The following ZNF804A variants were observed in gnomAD, a reference collection of about 807,000 sequenced individuals.
ZNF804A encodes the protein zinc finger protein 804A.
A neutral mutation model predicts 16.5 loss-of-function variants in ZNF804A; 2 were observed. That is an observed-to-expected ratio of 0.12 (90% confidence interval 0.05 to 0.38). The LOEUF (loss-of-function observed/expected upper bound fraction) is 0.38, where lower values mean the gene tolerates loss of function less well. ZNF804A is among the 10% of genes least tolerant of loss of function. The probability of loss-of-function intolerance (pLI) is 0.99; values close to 1 mark genes in which losing one functional copy is unlikely to be tolerated. For missense variants in ZNF804A, 1,473 were observed against 1,390.7 expected (o/e 1.06, Z -0.94); for synonymous variants, 534 against 489.6 (o/e 1.09, Z -1.20).
At chr2:184,715,307 A>T (rs1038543015) in intron 1 of ZNF804A, among the ~76,000 whole-genome samples, 1 of 152,162 alleles carries the variant, frequency 6.6e-6, no homozygotes, top group Non-Finnish European at 1.5e-5. Flanking sequence ...TAAAGTGTTC[A>T]CTTCTGAAAA....
intron 1 of ZNF804A, among the ~76,000 whole-genome samples, chr2:184,689,139 G>A (rs1404797946): frequency 1.3e-5 from 2 of 152,062 alleles, no homozygotes; most frequent in Non-Finnish European, 1.5e-5. Flanking sequence ...GCTTTGAATC[G>A]ATGGGTTAGT....
chr2:184,867,573 G>A (rs371714859), intron 2 of ZNF804A, among the ~76,000 whole-genome samples: 21 of 152,012 alleles, frequency 1.4e-4, no homozygotes, highest in Non-Finnish European at 2.8e-4. Context: ...ATACTTCACC[G>A]ATTAATGCAT....
At chr2:184,695,465 TAAAA>T (rs779929990) in intron 1 of ZNF804A, among the ~76,000 whole-genome samples, 15 of 51,854 alleles carry the variant, frequency 2.9e-4, no homozygotes, top group Admixed American at 5.4e-4. Flanking sequence ...ACTCCGTCAT[TAAAA>T]AAAAAAAAAA....
intron 1 of ZNF804A, among the ~76,000 whole-genome samples, chr2:184,667,147 GC>G: frequency 6.6e-6 from 1 of 151,922 alleles, no homozygotes; most frequent in East Asian, 1.9e-4. Flanking sequence ...GAATTTTAGT[GC>G]TTTATACTAT....
At chr2:184,915,101 A>G (rs1204006835) in intron 2 of ZNF804A, among the ~76,000 whole-genome samples, 1 of 151,972 alleles carries the variant, frequency 6.6e-6, no homozygotes, top group Non-Finnish European at 1.5e-5. Context: ...TCTGTGTAAA[A>G]CATGCTAGTC....
At chr2:184,738,835 G>A (rs550190314) in intron 1 of ZNF804A, among the ~76,000 whole-genome samples, 187 of 152,306 alleles carry the variant, frequency 1.2e-3, no homozygotes, top group Non-Finnish European at 2.3e-3. Context: ...AGAGGAAGTT[G>A]AGCTTATTCT....
chr2:184,716,767 G>T (rs149947874), intron 1 of ZNF804A, among the ~76,000 whole-genome samples: 48 of 152,244 alleles, frequency 3.2e-4, no homozygotes, highest in African/African-American at 1.1e-3. Context: ...AAGTGTTTTA[G>T]TTGGTTTGTG....
chr2:184,764,341 A>C (rs2105765026), intron 1 of ZNF804A, among the ~76,000 whole-genome samples: 1 of 152,294 alleles, frequency 6.6e-6, no homozygotes, highest in African/African-American at 2.4e-5. Context: ...TAAATTTGGC[A>C]TTTTAAGTTA....
At chr2:184,807,820 T>G (rs1315243461) in intron 1 of ZNF804A, among the ~76,000 whole-genome samples, 1 of 151,684 alleles carries the variant, frequency 6.6e-6, no homozygotes, top group Non-Finnish European at 1.5e-5. Flanking sequence ...AAGGCATTCA[T>G]TTTTCTAGCT....
chr2:184,746,977 T>G (rs1322496894), intron 1 of ZNF804A, among the ~76,000 whole-genome samples: 1 of 151,396 alleles, frequency 6.6e-6, no homozygotes, highest in Admixed American at 6.6e-5. Flanking sequence ...GACAAAAGAT[T>G]GCATGTTTTA....
chr2:184,779,197 T>C (rs563992992), intron 1 of ZNF804A, among the ~76,000 whole-genome samples: 1 of 151,796 alleles, frequency 6.6e-6, no homozygotes, highest in South Asian at 2.1e-4. Flanking sequence ...ACAGGCAGGT[T>C]TTCCAGGTGT....
At chr2:184,686,452 C>T (rs959872461) in intron 1 of ZNF804A, among the ~76,000 whole-genome samples, 1 of 152,214 alleles carries the variant, frequency 6.6e-6, no homozygotes, top group Non-Finnish European at 1.5e-5. Flanking sequence ...CATTAATGGA[C>T]ACCTAGGTTG....
chr2:184,677,076 T>G (rs1476052086), intron 1 of ZNF804A, among the ~76,000 whole-genome samples: 1 of 151,790 alleles, frequency 6.6e-6, no homozygotes, highest in Non-Finnish European at 1.5e-5. Flanking sequence ...AAAAAAACAT[T>G]TATTTTTTCC....
chr2:184,744,375 A>G (rs918372549), intron 1 of ZNF804A, among the ~76,000 whole-genome samples: 1 of 151,766 alleles, frequency 6.6e-6, no homozygotes, highest in African/African-American at 2.4e-5. Context: ...CCTAACCCCT[A>G]AGGTGATTTT....
At chr2:184,696,069 A>G (rs1475976322) in intron 1 of ZNF804A, among the ~76,000 whole-genome samples, 1 of 152,168 alleles carries the variant, frequency 6.6e-6, no homozygotes, top group Non-Finnish European at 1.5e-5. Flanking sequence ...TTTCATTTCT[A>G]CACTTCTATA....
intron 1 of ZNF804A, among the ~76,000 whole-genome samples, chr2:184,612,324 C>A (rs931234780): frequency 6.6e-6 from 1 of 151,696 alleles, no homozygotes; most frequent in Non-Finnish European, 1.5e-5. Flanking sequence ...TTCTTCATAG[C>A]AATTAGTATT....
At chr2:184,601,337 A>G (rs1040530409) in intron 1 of ZNF804A, among the ~76,000 whole-genome samples, 1 of 152,022 alleles carries the variant, frequency 6.6e-6, no homozygotes, top group Non-Finnish European at 1.5e-5. Context: ...ACTCACCCCA[A>G]AGTGATTCTT....
chr2:184,707,699 T>C (rs1392838903), intron 1 of ZNF804A, among the ~76,000 whole-genome samples: 2 of 152,136 alleles, frequency 1.3e-5, no homozygotes, highest in South Asian at 2.1e-4. Context: ...TGGATGAGCA[T>C]CTAGGTTGAT....
intron 1 of ZNF804A, among the ~76,000 whole-genome samples, chr2:184,763,912 G>A (rs1296285290): frequency 6.6e-6 from 1 of 151,908 alleles, no homozygotes; most frequent in Non-Finnish European, 1.5e-5. Flanking sequence ...AAAGTGCTGG[G>A]ATTATAGGTG....
Sources: allele counts gnomAD v4.1 joint callset (sites outside exome capture counted in the v4.1 genomes callset), GRCh38; gene constraint gnomAD v4.1.1; transcripts MANE v1.5; gene names NCBI Gene and HGNC (gene_info 2026-07-23, HGNC 2026-07-21).